The following ACBD6 variants were observed in gnomAD, a reference collection of about 807,000 sequenced individuals.
ACBD6 encodes acyl-CoA-binding domain-containing protein 6.
Under a neutral mutation model 37.2 loss-of-function variants are expected in ACBD6, and 28 were observed. The observed-to-expected ratio is 0.75, with a 90% CI of 0.56 to 1.03. The LOEUF (loss-of-function observed/expected upper bound fraction) is 1.03. ACBD6 is among the 50% of genes least tolerant of loss of function. ACBD6 has a pLI of 0.00. For missense variants in ACBD6, 340 were observed against 337.4 expected (o/e 1.01, Z -0.06); for synonymous variants, 113 against 126.8 (o/e 0.89, Z 0.73).
At chr1:180,481,530 T>C (rs1326168290) in intron 3 of ACBD6, among the ~76,000 whole-genome samples, 3 of 152,252 alleles carry the variant, frequency 2.0e-5, no homozygotes, top group Non-Finnish European at 4.4e-5. Flanking sequence ...GTGTATATTT[T>C]AATTTCTTCA....
At chr1:180,283,329 C>T (rs1649373428), downstream of ACBD6, among the ~76,000 whole-genome samples, 1 of 152,124 alleles carries the variant, frequency 6.6e-6, no homozygotes, top group Admixed American at 6.6e-5. Flanking sequence ...CATAGTCCCA[C>T]ATGTTCAGCC....
intron 6 of ACBD6, among the ~76,000 whole-genome samples, chr1:180,319,770 A>C (rs1177265195): frequency 6.6e-6 from 1 of 152,198 alleles, no homozygotes; most frequent in Non-Finnish European, 1.5e-5. Context: ...TTGTCTGTGC[A>C]TGGCTTATTT....
intron 3 of ACBD6, among the ~76,000 whole-genome samples, chr1:180,445,137 A>C (rs1201887859): frequency 1.3e-5 from 2 of 152,228 alleles, no homozygotes; most frequent in African/African-American, 4.8e-5. Context: ...ACATAAATAA[A>C]ACAGTATCCA....
intron 3 of ACBD6, among the ~76,000 whole-genome samples, chr1:180,470,449 A>G (rs1004855136): frequency 2.0e-5 from 3 of 152,230 alleles, no homozygotes; most frequent in Admixed American, 1.3e-4. Flanking sequence ...CTTATAAATT[A>G]TGGTGCTATA....
At chr1:180,358,658 G>A (rs1558265312) in intron 6 of ACBD6, among the ~76,000 whole-genome samples, 3 of 152,080 alleles carry the variant, frequency 2.0e-5, no homozygotes. Flanking sequence ...TGGAAACCAG[G>A]TTAAAGATGA....
chr1:180,361,275 CTTTTTT>C (rs34773334), intron 6 of ACBD6, among the ~76,000 whole-genome samples: 1 of 135,674 alleles, frequency 7.4e-6, no homozygotes, highest in South Asian at 2.3e-4. Flanking sequence ...TTTTTTTTTC[CTTTTTT>C]TTTTTTTTTT....
intron 6 of ACBD6, among the ~76,000 whole-genome samples, chr1:180,320,017 A>G (rs1200399925): frequency 6.6e-6 from 1 of 152,164 alleles, no homozygotes; most frequent in East Asian, 1.9e-4. Context: ...TGGGGTATAT[A>G]CCCAGCAGTG....
In ACBD6 at chr1:180,343,834, C is replaced by T. The variant is rs533214165; in HGVS notation, c.664-29112G>A. On this transcript the variant is annotated intron_variant, in intron 6 of 7. Transcript: ENST00000367595. ...CCTGTAATCCAGCACTTTGGGTGGC[C>T]GAGGCAGGTGAATCGCTTGAGCCCA... 7.2e-4 allele frequency among the ~76,000 whole-genome samples: 109 copies of T among 152,166 alleles called. 1 individual carries two copies. Among genetic ancestry groups the T allele is most frequent in the African/African-American group, 2.5e-3 (105 of 41,522 alleles).
intron 7 of ACBD6, among the ~76,000 whole-genome samples, chr1:180,307,800 C>CA (rs1417535849): frequency 6.6e-6 from 1 of 152,100 alleles, no homozygotes; most frequent in Admixed American, 6.5e-5. Flanking sequence ...ACTAAAAATA[C>CA]AAAAACTAGC....
At chr1:180,366,936 T>C (rs1038168306) in intron 6 of ACBD6, among the ~76,000 whole-genome samples, 5 of 152,158 alleles carry the variant, frequency 3.3e-5, no homozygotes, top group Non-Finnish European at 7.4e-5. Flanking sequence ...GCAGTGAAAA[T>C]ACCAGGGGGC....
intron 6 of ACBD6, among the ~76,000 whole-genome samples, chr1:180,325,933 C>A (rs1450627068): frequency 6.6e-6 from 1 of 152,134 alleles, no homozygotes. Context: ...ATGCAAAAAC[C>A]CTGTGGCCAC....
chr1:180,428,320 A>G (rs1312884024), intron 4 of ACBD6, among the ~76,000 whole-genome samples: 2 of 151,698 alleles, frequency 1.3e-5, no homozygotes, highest in African/African-American at 2.4e-5. Flanking sequence ...ATATTATTCA[A>G]AAGTGAAGAA....
chr1:180,495,241 T>C (rs1400047324), intron 2 of ACBD6, among the ~76,000 whole-genome samples: 1 of 152,232 alleles, frequency 6.6e-6, no homozygotes, highest in African/African-American at 2.4e-5. Context: ...ATGTCTGTTG[T>C]GAACCACTTA....
chr1:180,408,161 T>C (rs1442792296), intron 5 of ACBD6, among the ~76,000 whole-genome samples: 1 of 152,210 alleles, frequency 6.6e-6, no homozygotes, highest in Non-Finnish European at 1.5e-5. Context: ...TGTAAGCAAC[T>C]GAAATTTGGG....
intron 6 of ACBD6, among the ~76,000 whole-genome samples, chr1:180,339,535 G>A (rs996147429): frequency 7.6e-5 from 1 of 13,098 alleles, no homozygotes; most frequent in African/African-American, 1.1e-3. Flanking sequence ...CTGTTGTAGG[G>A]TGGAAGGAGG....
At chr1:180,328,382 T>C (rs1483179234) in intron 6 of ACBD6, among the ~76,000 whole-genome samples, 3 of 151,854 alleles carry the variant, frequency 2.0e-5, no homozygotes, top group African/African-American at 7.3e-5. Context: ...TATACACACA[T>C]ATATATTCCA....
At chr1:180,357,741 C>G (rs2101899662) in intron 6 of ACBD6, among the ~76,000 whole-genome samples, 1 of 152,282 alleles carries the variant, frequency 6.6e-6, no homozygotes, top group South Asian at 2.1e-4. Flanking sequence ...CAAAGTCTTC[C>G]TCTTCTCAGT....
In ACBD6 at chr1:180,484,119, C is replaced by T. The variant is rs534146329; in HGVS notation, c.384+8150G>A. On this transcript the variant is annotated intron_variant, in intron 3 of 7. Coordinates refer to ENST00000367595, the MANE Select transcript of ACBD6 (RefSeq NM_032360.4). ...CATTATTTATTTACAAGCAAGGAAACCACTTCAGAACAGGGTTACCTCATG... is the reference window on the plus strand; with the variant it reads ...CATTATTTATTTACAAGCAAGGAAATCACTTCAGAACAGGGTTACCTCATG... Among the ~76,000 whole-genome samples the T allele has an allele frequency of 7.2e-5, 11 of 152,238 alleles. No homozygotes were observed. The South Asian group carries it at 1.9e-3, about 26-fold the overall frequency.
chr1:180,296,984 G>T (rs1649944001), intron 7 of ACBD6, among the ~76,000 whole-genome samples: 1 of 151,902 alleles, frequency 6.6e-6, no homozygotes, highest in East Asian at 2.0e-4. Context: ...AAATTAGCTG[G>T]GTGTGGTGGC....
Sources: gnomAD v4.1 joint callset for allele counts (sites outside exome capture counted in the v4.1 genomes callset) on GRCh38, gnomAD v4.1.1 for gene constraint, MANE v1.5 for transcripts, NCBI Gene and HGNC (gene_info 2026-07-23, HGNC 2026-07-21) for gene names.